The following CHD9 variants were observed in gnomAD, a reference collection of about 807,000 sequenced individuals.
CHD9 encodes ATP-dependent chromatin remodeler CHD9.
A neutral mutation model predicts 316.1 loss-of-function variants in CHD9; 77 were observed. The ratio of observed to expected loss-of-function variants is 0.24; its 90% CI spans 0.20 to 0.29. CHD9 has a LOEUF of 0.29. Among genes scored for constraint, CHD9 ranks in the 10% least tolerant of loss-of-function variants. The pLI, the probability that CHD9 is intolerant of heterozygous loss-of-function variation, is 1.00. For synonymous variants in CHD9, 1,129 were observed against 1,158.3 expected, an observed-to-expected ratio of 0.97 and a Z score of 0.51; for missense variants, 2,763 against 3,438.1, an observed-to-expected ratio of 0.80 and a Z score of 4.91.
At chr16:53,288,268 A>G (rs1224347832) in intron 27 of CHD9, among the ~76,000 whole-genome samples, 2 of 152,172 alleles carry the variant, frequency 1.3e-5, no homozygotes, top group Non-Finnish European at 2.9e-5. Flanking sequence ...CACCTGCTCT[A>G]CTTCTTAGAG....
chr16:53,127,620 C>T (rs145246480), intron 1 of CHD9, among the ~76,000 whole-genome samples: 6 of 151,524 alleles, frequency 4.0e-5, no homozygotes, highest in Non-Finnish European at 5.9e-5. Flanking sequence ...AAAATGGGGG[C>T]GGGGGGGAAT....
chr16:53,156,814 A>G lies in CHD9; in HGVS notation c.725A>G (p.His242Arg), dbSNP rs760045707. Reference sequence around the variant, plus strand: ...ACGTCAAATCCTTCAGCACACTTCCACAAGTGTAGCAGTCATCAAGAAGGA... The same window carrying G: ...ACGTCAAATCCTTCAGCACACTTCCGCAAGTGTAGCAGTCATCAAGAAGGA... Reference protein sequence around the residue: ...SQTSNPSAHFHKCSSHQEGNF... With the variant: ...SQTSNPSAHFRKCSSHQEGNF... The change falls in exon 2 of 39, where the codon CAC (histidine) becomes CGC (arginine). Residue 242 changes from histidine to arginine, a missense_variant. Transcript: ENST00000447540. 2 of 1,613,834 alleles carry G rather than the reference A, an allele frequency of 1.2e-6. No homozygotes were observed. The highest frequency in any genetic ancestry group is 2.2e-5 in the South Asian group (2 of 91,070).
Position 53,307,814 on chromosome 16 carries a change from G to A in CHD9, c.6914G>A (p.Gly2305Glu). ...FYTTKLLDSP[G>E]AATEYSDPSV... ...ACCACAAAACTGCTGGACAGCCCTG[G>A]AGCAGCTACAGAATACAGCGATCCC... Residue 2305 changes from glycine (G) to glutamate (E), a missense_variant, in exon 33 of 39, where the codon GGA (glycine) becomes GAA (glutamate). By Grantham distance (98) the Gly-to-Glu change is moderately conservative. This residue lies in a region of CHD9 where 663 missense variants were observed against 751.2 expected (regional missense o/e 0.88). Coordinates refer to ENST00000447540, the MANE Select transcript of CHD9 (RefSeq NM_001308319.2). The A allele has an allele frequency of 6.2e-7, 1 of 1,613,648 alleles. No homozygotes were observed. The highest frequency in any genetic ancestry group is 8.5e-7 in the Non-Finnish European group (1 of 1,179,792).
intron 1 of CHD9, among the ~76,000 whole-genome samples, chr16:53,080,348 C>T (rs1378397842): frequency 2.6e-5 from 4 of 152,124 alleles, no homozygotes; most frequent in Non-Finnish European, 4.4e-5. Context: ...ACGCAAGGTG[C>T]GGCAATCAGT....
intron 1 of CHD9, among the ~76,000 whole-genome samples, chr16:53,102,279 C>T (rs1219557873): frequency 6.6e-6 from 1 of 152,060 alleles, no homozygotes; most frequent in African/African-American, 2.4e-5. Context: ...TTTCAGAGCC[C>T]CTTGTTTTAG....
At chr16:53,102,094 C>CT (rs1260807255) in intron 1 of CHD9, among the ~76,000 whole-genome samples, 1 of 152,134 alleles carries the variant, frequency 6.6e-6, no homozygotes, top group Non-Finnish European at 1.5e-5. Context: ...CTGGGTGATG[C>CT]TGGTTGCATT....
intron 36 of CHD9, among the ~76,000 whole-genome samples, chr16:53,317,600 C>T (rs532971553): frequency 2.6e-5 from 4 of 152,250 alleles, no homozygotes; most frequent in African/African-American, 7.2e-5. Context: ...CCAAGCAGTC[C>T]TCCCATCTCA....
rs139159751 is a variant in CHD9, at chr16:53,097,946, C to T, written c.-165+42869C>T. Among the ~76,000 whole-genome samples, 846 of 151,546 alleles carry T rather than the reference C, an allele frequency of 5.6e-3. 5 individuals are homozygous for T. The highest frequency in any genetic ancestry group is 0.02 in the African/African-American group (815 of 41,278). Reference sequence around the variant, plus strand: ...CCCAGCCTGGCCAAAATGGTGAAACCCTGTCTCTACTAAAAATACAAAAAT... The same window carrying T: ...CCCAGCCTGGCCAAAATGGTGAAACTCTGTCTCTACTAAAAATACAAAAAT... On this transcript the variant is annotated intron_variant, in intron 1 of 38. Transcript: ENST00000447540.
chr16:53,293,120 G>A (rs1402611287), intron 29 of CHD9, 68 bp downstream of exon 29: 2 of 1,370,394 alleles, frequency 1.5e-6, no homozygotes, highest in South Asian at 1.3e-5. Flanking sequence ...AGCCTGTCTG[G>A]GTACAATTAT....
intron 18 of CHD9, 137 bp downstream of exon 18, chr16:53,254,742 C>A: frequency 1.6e-6 from 1 of 636,594 alleles, no homozygotes; most frequent in Non-Finnish European, 2.6e-6. Flanking sequence ...ATTTTCAGGA[C>A]AGAGCTATGT....
intron 1 of CHD9, among the ~76,000 whole-genome samples, chr16:53,146,419 G>GTGTGTGTATA (rs1555492145): frequency 1.3e-4 from 10 of 76,714 alleles, no homozygotes; most frequent in African/African-American, 5.3e-4. Flanking sequence ...GTGTGTGTAT[G>GTGTGTGTATA]TATATATATA....
At chr16:53,059,571 G>A (rs1312179823) in intron 1 of CHD9, among the ~76,000 whole-genome samples, 1 of 152,218 alleles carries the variant, frequency 6.6e-6, no homozygotes, top group African/African-American at 2.4e-5. Flanking sequence ...TCATAAAGAT[G>A]TGGCAAAAGG....
At chr16:53,103,315 G>T (rs2037058631) in intron 1 of CHD9, among the ~76,000 whole-genome samples, 1 of 151,902 alleles carries the variant, frequency 6.6e-6, no homozygotes, top group Non-Finnish European at 1.5e-5. Flanking sequence ...TTACAGGTGT[G>T]AGCCACCATG....
At chr16:53,101,235 T>G (rs1237920939) in intron 1 of CHD9, among the ~76,000 whole-genome samples, 2 of 151,782 alleles carry the variant, frequency 1.3e-5, no homozygotes, top group African/African-American at 4.8e-5. Context: ...CTGACTGGAA[T>G]AAATCTTTTT....
At chr16:53,306,460 G>A in intron 32 of CHD9, 63 bp downstream of exon 32, 1 of 1,319,622 alleles carries the variant, frequency 7.6e-7, no homozygotes, top group East Asian at 2.7e-5. Flanking sequence ...TTGCTTCAAT[G>A]GTAGATATTC....
chr16:53,104,060 T>C (rs2037116184), intron 1 of CHD9, among the ~76,000 whole-genome samples: 1 of 152,228 alleles, frequency 6.6e-6, no homozygotes, highest in Admixed American at 6.5e-5. Context: ...TGGTTTGCTC[T>C]GGTCGTGGAG....
rs1434468706 is a variant in CHD9 at position 53,267,363 on chromosome 16, T to C, written c.4390T>C (p.Leu1464=). The C allele has an allele frequency of 1.6e-5, 25 of 1,612,694 alleles. No homozygotes were observed. Among genetic ancestry groups the C allele is most frequent in the East Asian group, 2.2e-5 (1 of 44,834 alleles). The change falls in exon 21 of 39, where the codon TTG becomes CTG. Residue 1464 remains leucine (L), a synonymous_variant. Transcript: ENST00000447540. The part of the protein sequence containing the change: ...TRPFSATKDE[L]AELSEAESEG... ...ACCTTTTAGTGCCACAAAAGATGAA[T>C]TGGCTGAATTATCTGAAGCTGAAAG...
At chr16:53,286,461 C>T in intron 26 of CHD9, 118 bp downstream of exon 26, 3 of 611,500 alleles carry the variant, frequency 4.9e-6, no homozygotes, top group Non-Finnish European at 2.9e-6. Context: ...TTGGAGTTTA[C>T]AATCTGAAAG....
intron 1 of CHD9, among the ~76,000 whole-genome samples, chr16:53,127,646 C>T: frequency 6.6e-6 from 1 of 152,190 alleles, no homozygotes; most frequent in East Asian, 1.9e-4. Flanking sequence ...TCTCAACGGG[C>T]ACAGTGGCTC....
Sources: gnomAD v4.1 joint callset for allele counts (sites outside exome capture counted in the v4.1 genomes callset) on GRCh38, gnomAD v4.1.1 for gene constraint, gnomAD v4.1.1 regional missense constraint, MANE v1.5 for transcripts, NCBI Gene and HGNC (gene_info 2026-07-23, HGNC 2026-07-21) for gene names.